PSME4: variants seen among roughly 807,000 people sequenced by gnomAD.
PSME4 encodes the protein proteasome activator complex subunit 4.
A neutral mutation model predicts 253.9 loss-of-function variants in PSME4; 89 were observed. That is an observed-to-expected ratio of 0.35 (90% CI 0.30 to 0.42). The LOEUF is 0.42. Among genes scored for constraint, PSME4 ranks in the 10% least tolerant of loss-of-function variants. PSME4 has a pLI of 1.00. For missense variants in PSME4, 2,014 were observed against 2,195.2 expected (o/e 0.92, Z 1.65); for synonymous variants, 851 against 759.2 (o/e 1.12, Z -1.99).
chr2:53,970,715 G>A lies in PSME4; in HGVS notation c.70C>T (p.Arg24Trp), dbSNP rs1433188378. ...ATCTCCTTCTGCGGGACGAAGCCCC[G>A]CGGGCCCGGCTCGGGACGCCCGCCC... Reference protein sequence around the residue: ...EPGGRPEPGPRGFVPQKEIVY... With the variant: ...EPGGRPEPGPWGFVPQKEIVY... Residue 24 changes from arginine to tryptophan, a missense_variant, in exon 1 of 47, where the codon CGG becomes TGG. Transcript: ENST00000404125. 2.6e-6 allele frequency: 4 copies of A among 1,548,358 alleles called. No individual in the cohort carries two copies. Among genetic ancestry groups the A allele is most frequent in the Non-Finnish European group, 2.6e-6 (3 of 1,146,250 alleles).
chr2:53,969,963 G>C (rs1282539538), intron 1 of PSME4, among the ~76,000 whole-genome samples: 1 of 152,136 alleles, frequency 6.6e-6, no homozygotes, highest in Admixed American at 6.6e-5. Flanking sequence ...AATGAGGTCT[G>C]ACTTTAAACG....
At chr2:53,895,911 G>A (rs1334420425) in intron 32 of PSME4, among the ~76,000 whole-genome samples, 175 bp from the exon 33 acceptor site, 1 of 152,098 alleles carries the variant, frequency 6.6e-6, no homozygotes, top group African/African-American at 2.4e-5. Flanking sequence ...CAGAGTAGAT[G>A]GCATTATCTA....
At chr2:53,891,918 C>T (rs189737745) in intron 36 of PSME4, among the ~76,000 whole-genome samples, 12 of 149,088 alleles carry the variant, frequency 8.0e-5, no homozygotes, top group East Asian at 2.0e-4. Flanking sequence ...GATGGACAGA[C>T]GGAAGGACAG....
intron 12 of PSME4, among the ~76,000 whole-genome samples, chr2:53,926,379 G>A (rs1033265165): frequency 6.7e-6 from 1 of 150,314 alleles, no homozygotes; most frequent in African/African-American, 2.5e-5. Context: ...GCTCGCGACT[G>A]GGCACGGTAG....
chr2:53,906,698 G>T lies in PSME4; in HGVS notation c.2848-5C>A, dbSNP rs1344172832. On this transcript the variant is annotated splice_polypyrimidine_tract_variant and splice_region_variant and intron_variant, in intron 25 of 46. Transcript: ENST00000404125. ...CTCAACAGTTAGTGTCCGTAGCTAA[G>T]AAAACAATCGCAAACATTTACTAAA... 6.3e-7 allele frequency: 1 copy of T among 1,596,064 alleles called. No homozygotes were observed.
intron 22 of PSME4, 38 bp from the exon 23 acceptor site, chr2:53,908,603 T>C (rs1667673008): frequency 6.4e-7 from 1 of 1,562,152 alleles, no homozygotes; most frequent in Non-Finnish European, 8.6e-7. Context: ...GGTTAAAATA[T>C]TTTGAACTAC....
chr2:53,904,050 T>C lies in PSME4; in HGVS notation c.3050A>G (p.Gln1017Arg). Residue 1017 changes from glutamine (Q) to arginine (R), a missense_variant, in exon 27 of 47, where the codon CAA becomes CGA. This residue lies in a region of PSME4 where 989 missense variants were observed against 1,021.1 expected (regional missense o/e 0.97). Transcript: ENST00000404125. Reference sequence around the variant, plus strand: ...CTTGAATTGTTGCTGTGTAACACCTTGTCTATCAGGCCTTAAGAACTCCAA... The same window carrying C: ...CTTGAATTGTTGCTGTGTAACACCTCGTCTATCAGGCCTTAAGAACTCCAA... ...LVLEFLRPDR[Q>R]GVTQQQFKGA... 1 of 1,613,674 alleles carries C rather than the reference T, an allele frequency of 6.2e-7. No individual in the cohort carries two copies. The highest frequency in any genetic ancestry group is 2.2e-5 in the East Asian group (1 of 44,814).
intron 20 of PSME4, among the ~76,000 whole-genome samples, chr2:53,918,770 CTTTTTT>C (rs996977496): frequency 6.6e-6 from 1 of 151,434 alleles, no homozygotes; most frequent in South Asian, 2.1e-4. Context: ...TTGAAGAAAT[CTTTTTT>C]TTTAAAGTTT....
intron 1 of PSME4, among the ~76,000 whole-genome samples, chr2:53,967,401 G>A (rs376904421): frequency 6.6e-6 from 1 of 151,556 alleles, no homozygotes; most frequent in South Asian, 2.1e-4. Context: ...CTGTAATCCC[G>A]CACTTTGGGA....
chr2:53,903,544 T>A (rs1405727052), intron 27 of PSME4, among the ~76,000 whole-genome samples: 4 of 152,158 alleles, frequency 2.6e-5, no homozygotes, highest in Admixed American at 2.6e-4. Flanking sequence ...TCCAATTGCA[T>A]AAGCTTTCAT....
At chr2:53,869,986 T>C (rs1678791267) in intron 43 of PSME4, 1 of 152,528 alleles carries the variant, frequency 6.6e-6, no homozygotes, top group Non-Finnish European at 1.5e-5. Flanking sequence ...TTACATCCTA[T>C]GTGATTCTTA....
chr2:53,920,838 A>C (rs1167188189), intron 18 of PSME4, 51 bp downstream of exon 18: 1 of 1,463,648 alleles, frequency 6.8e-7, no homozygotes, highest in East Asian at 2.3e-5. Context: ...TGAATCCCTT[A>C]AAACAAAAAA....
intron 3 of PSME4, among the ~76,000 whole-genome samples, chr2:53,943,282 T>C (rs1355895805): frequency 6.6e-6 from 1 of 152,246 alleles, no homozygotes; most frequent in East Asian, 1.9e-4. Flanking sequence ...ATTCTGTATA[T>C]ATCTGCCTTC....
intron 20 of PSME4, among the ~76,000 whole-genome samples, chr2:53,914,204 G>A (rs1398876043): frequency 2.0e-5 from 3 of 152,104 alleles, no homozygotes; most frequent in Admixed American, 6.5e-5. Context: ...TTAGTTTTTT[G>A]CATCCTGTGA....
chr2:53,937,958 A>G (rs1573332594), intron 4 of PSME4, among the ~76,000 whole-genome samples: 1 of 151,148 alleles, frequency 6.6e-6, no homozygotes, highest in Admixed American at 6.6e-5. Context: ...GCACCATTGC[A>G]CTCCAGCCTG....
chr2:53,888,918 T>A, intron 37 of PSME4, 106 bp from the exon 38 acceptor site: 4 of 901,292 alleles, frequency 4.4e-6, no homozygotes, highest in Non-Finnish European at 6.8e-6. Flanking sequence ...TAGGTCTAAC[T>A]CTGTTGCCCA....
chr2:53,931,678 G>C (rs1668836445), intron 10 of PSME4, among the ~76,000 whole-genome samples, 157 bp downstream of exon 10: 1 of 152,200 alleles, frequency 6.6e-6, no homozygotes, highest in Non-Finnish European at 1.5e-5. Flanking sequence ...CCTTTATCAA[G>C]TTACCAATCA....
chr2:53,919,363 C>G, intron 19 of PSME4, 117 bp from the exon 20 acceptor site: 1 of 1,304,326 alleles, frequency 7.7e-7, no homozygotes, highest in Non-Finnish European at 1.0e-6. Context: ...AAAGAAATAG[C>G]AAATGTCTTC....
intron 9 of PSME4, 82 bp from the exon 10 acceptor site, chr2:53,932,182 A>C: frequency 3.9e-6 from 5 of 1,275,394 alleles, no homozygotes; most frequent in Non-Finnish European, 5.5e-6. Flanking sequence ...GCTTCTTGAG[A>C]AAAGATTTTA....
Sources: allele counts gnomAD v4.1 joint callset (sites outside exome capture counted in the v4.1 genomes callset), GRCh38; gene constraint gnomAD v4.1.1; regional missense constraint gnomAD v4.1.1; transcripts MANE v1.5; gene names NCBI Gene and HGNC (gene_info 2026-07-23, HGNC 2026-07-21).